The following EXOC5 variants were observed in gnomAD, a reference collection of about 807,000 sequenced individuals.
The protein encoded by EXOC5 is exocyst complex component 5, also known as SEC10-like 1.
A neutral mutation model predicts 90.8 loss-of-function variants in EXOC5; 17 were observed. The ratio of observed to expected loss-of-function variants is 0.19; its 90% CI spans 0.13 to 0.28. EXOC5 has a LOEUF of 0.28. Among genes scored for constraint, EXOC5 ranks in the 10% least tolerant of loss-of-function variants. EXOC5 has a pLI of 1.00. For missense variants in EXOC5, 569 were observed against 830.6 expected, an observed-to-expected ratio of 0.69 and a Z score of 3.87; for synonymous variants, 260 against 270.0, an observed-to-expected ratio of 0.96 and a Z score of 0.36.
intron 4 of EXOC5, 150 bp downstream of exon 4, chr14:57,244,015 T>C: frequency 1.7e-6 from 1 of 596,564 alleles, no homozygotes; most frequent in Non-Finnish European, 3.0e-6. Context: ...CAAGAAACTG[T>C]ATTAGTTTAC....
Position 57,268,798 on chromosome 14 carries a change from G to C in EXOC5, c.-150C>G. ...CCCCAGCTCCCCACAGATCCCAGGAGGGGCGGGAGAGCGGCCATGAAGCGA... is the reference window on the plus strand; with the variant it reads ...CCCCAGCTCCCCACAGATCCCAGGACGGGCGGGAGAGCGGCCATGAAGCGA... On this transcript the variant is annotated 5_prime_UTR_variant, in exon 1 of 18. Transcript: ENST00000621441. 9 of 1,408,204 alleles carry C rather than the reference G, an allele frequency of 6.4e-6. No individual in the cohort carries two copies. The highest frequency in any genetic ancestry group is 6.4e-6 in the Non-Finnish European group (7 of 1,088,492). 87.2% of individuals were successfully genotyped at this position (1,408,204 alleles called of 1,614,324 possible).
At position 57,208,528 on chromosome 14, in the gene EXOC5, T is replaced by TG; in HGVS notation, c.*80_*81insC. On this transcript the variant is annotated 3_prime_UTR_variant, in exon 18 of 18. Coordinates refer to ENST00000621441, the MANE Select transcript of EXOC5 (RefSeq NM_006544.4). ...CTGTGTCATAAGGTATCTCCTGTGC[T>TG]TTCTATCAACCGAGGGCTGCTGAAG... is the stretch of plus-strand genomic sequence containing the variant. The TG allele has an allele frequency of 4.9e-6, 5 of 1,020,816 alleles. No individual in the cohort carries two copies. The South Asian group carries it at 8.6e-5, about 18-fold the overall frequency. 63.2% of individuals were successfully genotyped at this position (1,020,816 alleles called of 1,614,324 possible).
At chr14:57,260,335 A>G (rs1269160051) in intron 1 of EXOC5, among the ~76,000 whole-genome samples, 1 of 152,190 alleles carries the variant, frequency 6.6e-6, no homozygotes, top group Non-Finnish European at 1.5e-5. Flanking sequence ...AAACTTTGAA[A>G]AAGTATTTTG....
chr14:57,212,844 T>C (rs1379828497), intron 15 of EXOC5, among the ~76,000 whole-genome samples: 2 of 152,228 alleles, frequency 1.3e-5, no homozygotes, highest in Non-Finnish European at 2.9e-5. Flanking sequence ...ATGATCACCA[T>C]ACCATTAAGT....
intron 1 of EXOC5, among the ~76,000 whole-genome samples, chr14:57,260,935 C>T (rs1016565539): frequency 3.9e-5 from 6 of 152,084 alleles, no homozygotes; most frequent in African/African-American, 1.4e-4. Context: ...GTTAAATATT[C>T]TTACAGGCAT....
At position 57,246,696 on chromosome 14, in the gene EXOC5, T is replaced by C. The variant is rs1399720610; in HGVS notation, c.270+15A>G. On this transcript the variant is annotated intron_variant, in intron 3 of 17. Coordinates refer to ENST00000621441, the MANE Select transcript of EXOC5 (RefSeq NM_006544.4). ...TAGCCTATATAAAATACCCATTTCT[T>C]AACAAAACGTTTACCTGATTGCTTT... 6.2e-7 allele frequency: 1 copy of C among 1,605,024 alleles called. No individual in the cohort carries two copies. Among genetic ancestry groups the C allele is most frequent in the Non-Finnish European group, 8.5e-7 (1 of 1,176,070 alleles).
rs540614074 is a variant in EXOC5, at chr14:57,203,300, T to C, written c.*5309A>G. ...AGTTACAGTATAAAGATTAAAATGA[T>C]AGGCAGGCAAAGAGGGATGGCCTCA... On this transcript the variant is annotated 3_prime_UTR_variant, in exon 18 of 18. Coordinates refer to ENST00000621441, the MANE Select transcript of EXOC5 (RefSeq NM_006544.4). 1.3e-5 allele frequency: 2 copies of C among 152,178 alleles called. No individual in the cohort carries two copies. The highest frequency in any genetic ancestry group is 2.1e-4 in the South Asian group (1 of 4,824). The allele number at this position is 152,178 out of a possible 1,614,324, so 9.4% of individuals were successfully genotyped here. A position where few individuals can be genotyped will look rare whatever the true frequency, so the allele number is the denominator to read the frequency against.
intron 15 of EXOC5, among the ~76,000 whole-genome samples, chr14:57,213,931 A>G (rs1882898919): frequency 6.8e-6 from 1 of 147,378 alleles, no homozygotes; most frequent in African/African-American, 2.7e-5. Flanking sequence ...GATCACACCA[A>G]TGCACTCCAG....
intron 1 of EXOC5, among the ~76,000 whole-genome samples, chr14:57,260,057 A>G (rs938088735): frequency 6.6e-6 from 1 of 152,238 alleles, no homozygotes. Context: ...CAGAAACCAA[A>G]TATGAGCCTA....
intron 1 of EXOC5, among the ~76,000 whole-genome samples, chr14:57,262,392 G>A (rs1210149106): frequency 6.6e-6 from 1 of 151,722 alleles, no homozygotes; most frequent in African/African-American, 2.4e-5. Context: ...CCACCTCCTG[G>A]CTAAATTACC....
At position 57,201,623 on chromosome 14, in the gene EXOC5, A is replaced by C. The variant is rs1882512913; in HGVS notation, c.*6986T>G. The C allele has an allele frequency of 6.7e-6, 1 of 148,446 alleles. No individual in the cohort carries two copies. 9.2% of individuals were successfully genotyped at this position (148,446 alleles called of 1,614,324 possible). A position where few individuals can be genotyped will look rare whatever the true frequency, so the allele number is the denominator to read the frequency against. ...AGGATGGCTGGTTAAGGTGGCTCACACCTGTAATCCCAGGACTTTGGGAGG... is the reference window on the plus strand; with the variant it reads ...AGGATGGCTGGTTAAGGTGGCTCACCCCTGTAATCCCAGGACTTTGGGAGG... On this transcript the variant is annotated 3_prime_UTR_variant, in exon 18 of 18. Transcript: ENST00000621441.
rs1566723043 is a variant in EXOC5, at chr14:57,208,254, A to G, written c.*355T>C. The G allele has an allele frequency of 1.2e-5, 2 of 173,194 alleles. No homozygotes were observed. Among genetic ancestry groups the G allele is most frequent in the Non-Finnish European group, 1.2e-5 (1 of 82,010 alleles). The allele number at this position is 173,194 out of a possible 1,614,324, so 10.7% of individuals were successfully genotyped here. A position where few individuals can be genotyped will look rare whatever the true frequency, so the allele number is the denominator to read the frequency against. The stretch of plus-strand genomic sequence containing the variant: ...GAATGGCAAAATTTCTAAATGGAAT[A>G]TGTTAAAAGTACAAGAACCGAAAAC... On this transcript the variant is annotated 3_prime_UTR_variant, in exon 18 of 18. Coordinates refer to ENST00000621441, the MANE Select transcript of EXOC5 (RefSeq NM_006544.4).
Position 57,201,471 on chromosome 14 carries a change from T to A in EXOC5, c.*7138A>T, listed in dbSNP as rs1453912230. On this transcript the variant is annotated 3_prime_UTR_variant, in exon 18 of 18. Coordinates refer to ENST00000621441, the MANE Select transcript of EXOC5 (RefSeq NM_006544.4). ...GTATATATACACACGCGTGTATATGTACACACACGTGTATAAACACACGTG... is the reference window on the plus strand; with the variant it reads ...GTATATATACACACGCGTGTATATGAACACACACGTGTATAAACACACGTG... 3.6e-5 allele frequency: 5 copies of A among 139,580 alleles called. No individual in the cohort carries two copies. The highest frequency in any genetic ancestry group is 1.5e-4 in the African/African-American group (5 of 32,498). The allele number at this position is 139,580 out of a possible 1,614,324, so 8.6% of individuals were successfully genotyped here.
At chr14:57,262,607 A>T (rs1191333713) in intron 1 of EXOC5, among the ~76,000 whole-genome samples, 1 of 147,378 alleles carries the variant, frequency 6.8e-6, no homozygotes, top group Non-Finnish European at 1.5e-5. Flanking sequence ...TTAAGTATAT[A>T]TATACATATA....
At chr14:57,230,141 T>C (rs926088466) in intron 11 of EXOC5, among the ~76,000 whole-genome samples, 1 of 152,184 alleles carries the variant, frequency 6.6e-6, no homozygotes, top group Non-Finnish European at 1.5e-5. Context: ...TCTGACTCAA[T>C]AGTAAAACTT....
Position 57,230,756 on chromosome 14 carries a change from T to C in EXOC5, c.1148+750A>G, listed in dbSNP as rs1017109444. 2.0e-5 allele frequency among the ~76,000 whole-genome samples: 3 copies of C among 152,122 alleles called. No homozygotes were observed. The East Asian group carries it at 5.8e-4, about 29-fold the overall frequency. ...GTAAATAATTGTAGGCATTAAGGTA[T>C]TAATTTAATAGTTTTTTATGCTAAA... is the stretch of plus-strand genomic sequence containing the variant. On this transcript the variant is annotated intron_variant, in intron 11 of 17. Coordinates refer to ENST00000621441, the MANE Select transcript of EXOC5 (RefSeq NM_006544.4).
At chr14:57,256,915 T>C (rs1224875202) in intron 1 of EXOC5, among the ~76,000 whole-genome samples, 4 of 152,224 alleles carry the variant, frequency 2.6e-5, no homozygotes, top group Non-Finnish European at 5.9e-5. Flanking sequence ...CTTCTCCACA[T>C]GCTCAATCTT....
rs1594654263 is a variant in EXOC5 at position 57,222,496 on chromosome 14, T to G, written c.1297-80A>C. 12 of 696,074 alleles carry G rather than the reference T, an allele frequency of 1.7e-5. No homozygotes were observed. The East Asian group carries it at 3.2e-4, about 19-fold the overall frequency. The allele number at this position is 696,074 out of a possible 1,614,324, so 43.1% of individuals were successfully genotyped here. Reference sequence around the variant, plus strand: ...CAATTTTTTTTAAGCAATCAATTTTTTATAGGATGTAGTCAGTGTTTCAGG... The same window carrying G: ...CAATTTTTTTTAAGCAATCAATTTTGTATAGGATGTAGTCAGTGTTTCAGG... On this transcript the variant is annotated intron_variant, in intron 12 of 17. Transcript: ENST00000621441.
rs746426157 is a variant in EXOC5, at chr14:57,246,839, T to C, written c.142A>G (p.Asn48Asp). ...DPKRLLEEFV[N>D]HIQELQIMDE... ...ATTATCTGGAGTTCCTGAATATGAT[T>C]TACAAATTCTTCTAATAATCTAACA... is the stretch of plus-strand genomic sequence containing the variant. Residue 48 changes from asparagine to aspartate, a missense_variant, in exon 3 of 18, where the codon AAT becomes GAT. Physicochemically the swap from Asn to Asp is conservative, Grantham distance 23. Coordinates refer to ENST00000621441, the MANE Select transcript of EXOC5 (RefSeq NM_006544.4). 6.3e-6 allele frequency: 10 copies of C among 1,579,316 alleles called. No homozygotes were observed. In the African/African-American group the frequency reaches 1.4e-4, roughly 22 times the overall value.
Sources: gnomAD v4.1 joint callset for allele counts (sites outside exome capture counted in the v4.1 genomes callset) on GRCh38, gnomAD v4.1.1 for gene constraint, MANE v1.5 for transcripts, NCBI Gene and HGNC (gene_info 2026-07-23, HGNC 2026-07-21) for gene names.